NYAP2: variants seen among roughly 807,000 people sequenced by gnomAD.
NYAP2 encodes neuronal tyrosine-phosphorylated phosphoinositide-3-kinase adaptor 2, also known as neuronal tyrosine-phosphorylated phosphoinositide-3-kinase adapter 2.
A neutral mutation model predicts 50.4 loss-of-function variants in NYAP2; 23 were observed. The ratio of observed to expected loss-of-function variants is 0.46; its 90% CI spans 0.33 to 0.65. The LOEUF is 0.65. Ranked by LOEUF, NYAP2 falls within the 30% of genes least tolerant of loss-of-function variation. NYAP2 has a pLI of 0.02. For synonymous variants in NYAP2, 394 were observed against 365.2 expected, an observed-to-expected ratio of 1.08 and a Z score of -0.90; for missense variants, 885 against 861.0, an observed-to-expected ratio of 1.03 and a Z score of -0.35.
intron 4 of NYAP2, among the ~76,000 whole-genome samples, chr2:225,523,470 T>C (rs978185355): frequency 1.3e-5 from 2 of 152,058 alleles, no homozygotes; most frequent in Non-Finnish European, 2.9e-5. Flanking sequence ...CAATCCCATT[T>C]ATAATAGCTA....
intron 4 of NYAP2, among the ~76,000 whole-genome samples, chr2:225,527,043 T>C (rs987104663): frequency 1.3e-5 from 2 of 152,188 alleles, no homozygotes; most frequent in African/African-American, 4.8e-5. Flanking sequence ...GCAAGTCAAG[T>C]CATCATGCAA....
intron 3 of NYAP2, among the ~76,000 whole-genome samples, chr2:225,507,333 T>G (rs1690724579): frequency 6.6e-6 from 1 of 152,194 alleles, no homozygotes; most frequent in Admixed American, 6.5e-5. Context: ...CTCACCTTTC[T>G]CATGGGTTTT....
At chr2:225,535,857 C>T (rs1232128157) in intron 4 of NYAP2, among the ~76,000 whole-genome samples, 2 of 152,130 alleles carry the variant, frequency 1.3e-5, no homozygotes, top group African/African-American at 4.8e-5. Context: ...ACCTCCATTC[C>T]TTCCTTACTG....
the NYAP2 span, among the ~76,000 whole-genome samples, chr2:225,687,397 G>C: frequency 6.6e-6 from 1 of 152,078 alleles, no homozygotes; most frequent in South Asian, 2.1e-4. Flanking sequence ...AAGATAGAAG[G>C]TGCATATAAC....
At chr2:225,559,786 AC>A (rs1408177167) in intron 4 of NYAP2, among the ~76,000 whole-genome samples, 1 of 151,956 alleles carries the variant, frequency 6.6e-6, no homozygotes, top group Non-Finnish European at 1.5e-5. Flanking sequence ...TTTCCTAGTC[AC>A]CCTACCATAA....
chr2:225,419,679 G>C (rs1448304845), intron 3 of NYAP2, among the ~76,000 whole-genome samples: 1 of 152,092 alleles, frequency 6.6e-6, no homozygotes, highest in Non-Finnish European at 1.5e-5. Flanking sequence ...TTATAGAATT[G>C]GTAGCTGCTA....
At chr2:225,631,059 G>A (rs1019883835) in intron 6 of NYAP2, among the ~76,000 whole-genome samples, 2 of 152,202 alleles carry the variant, frequency 1.3e-5, no homozygotes, top group African/African-American at 4.8e-5. Flanking sequence ...AACTAGGAGA[G>A]CAGGAAATTC....
chr2:225,588,218 A>G (rs1301387061), intron 5 of NYAP2, among the ~76,000 whole-genome samples: 1 of 152,084 alleles, frequency 6.6e-6, no homozygotes, highest in Non-Finnish European at 1.5e-5. Context: ...GAGCCACTGC[A>G]CCCAGCCAGT....
At chr2:225,487,765 C>CATAGATAT (rs1236587499) in intron 3 of NYAP2, among the ~76,000 whole-genome samples, 22 of 152,318 alleles carry the variant, frequency 1.4e-4, no homozygotes, top group Admixed American at 1.3e-3. Context: ...GATGTTTGTT[C>CATAGATAT]ATAGATATAT....
chr2:225,457,301 C>T (rs1263831748), intron 3 of NYAP2, among the ~76,000 whole-genome samples: 2 of 152,028 alleles, frequency 1.3e-5, no homozygotes, highest in African/African-American at 4.8e-5. Flanking sequence ...TAATGAAGCT[C>T]TCAGGTTTAT....
At chr2:225,445,116 T>A (rs1048652650) in intron 3 of NYAP2, among the ~76,000 whole-genome samples, 1 of 152,062 alleles carries the variant, frequency 6.6e-6, no homozygotes, top group Non-Finnish European at 1.5e-5. Context: ...GGCGAAACAT[T>A]AAAAACATGT....
At chr2:225,474,821 G>A (rs999772032) in intron 3 of NYAP2, among the ~76,000 whole-genome samples, 1 of 152,146 alleles carries the variant, frequency 6.6e-6, no homozygotes, top group South Asian at 2.1e-4. Context: ...CTGCCTGATG[G>A]CCCTGGCCAA....
At chr2:225,484,149 A>G (rs73089790) in intron 3 of NYAP2, among the ~76,000 whole-genome samples, 1,868 of 152,294 alleles carry the variant, frequency 0.012, 44 homozygotes, top group African/African-American at 0.043. Context: ...CATTTTGCTA[A>G]GAGTGGCATT....
At chr2:225,474,698 A>C (rs1690073161) in intron 3 of NYAP2, among the ~76,000 whole-genome samples, 1 of 152,232 alleles carries the variant, frequency 6.6e-6, no homozygotes, top group Non-Finnish European at 1.5e-5. Context: ...TATCAGCTTA[A>C]GGAGATTTTG....
chr2:225,597,393 A>G (rs770640767), intron 5 of NYAP2, among the ~76,000 whole-genome samples: 9 of 149,872 alleles, frequency 6.0e-5, no homozygotes, highest in Non-Finnish European at 1.2e-4. Flanking sequence ...AGAACATACA[A>G]TGTTTGTTTT....
rs1432763317 is a variant in NYAP2, at chr2:225,625,078, A to AT, written c.1619-1833dup. 5.5e-5 allele frequency among the ~76,000 whole-genome samples: 8 copies of AT among 145,572 alleles called. No homozygotes were observed. The East Asian group carries it at 6.0e-4, about 11-fold the overall frequency. On this transcript the variant is annotated intron_variant, in intron 5 of 6. Coordinates refer to ENST00000636099, the Ensembl canonical transcript of NYAP2. ...AAAAAAAAAAAAAAAAAAAATTCAG[A>AT]TTTTTTGAATCATTTCTGTGATTTT... is the stretch of plus-strand genomic sequence containing the variant.
rs190262083 is a variant in NYAP2 at position 225,431,164 on chromosome 2, A to G, written c.221+22063A>G. ...ATATCAATTCTATTTCTTGAAAATTATGATGAAACTATAGTAACTCTGTAT... is the reference window on the plus strand; with the variant it reads ...ATATCAATTCTATTTCTTGAAAATTGTGATGAAACTATAGTAACTCTGTAT... On this transcript the variant is annotated intron_variant, in intron 3 of 6. Coordinates refer to ENST00000636099, the Ensembl canonical transcript of NYAP2. 7.9e-5 allele frequency among the ~76,000 whole-genome samples: 12 copies of G among 152,352 alleles called. No individual in the cohort carries two copies. In the East Asian group the frequency reaches 1.5e-3, roughly 20 times the overall value.
Position 225,513,544 on chromosome 2 carries a change from G to T in NYAP2, c.395G>T (p.Ser132Ile), listed in dbSNP as rs766171317. The T allele has an allele frequency of 1.2e-6, 2 of 1,611,702 alleles. No individual in the cohort carries two copies. Among genetic ancestry groups the T allele is most frequent in the Non-Finnish European group, 1.7e-6 (2 of 1,178,384 alleles). ...GTTGGGGGCACAGACGATGACAGCAGCTGTGGCTCACGGAGACAACCACCA... is the reference window on the plus strand; with the variant it reads ...GTTGGGGGCACAGACGATGACAGCATCTGTGGCTCACGGAGACAACCACCA... The change falls in exon 4 of 7, where the codon AGC becomes ATC. Residue 132 changes from serine to isoleucine, a missense_variant. Physicochemically the swap from Ser to Ile is moderately radical, Grantham distance 142. Transcript: ENST00000636099.
At chr2:225,532,723 T>C (rs1434356955) in intron 4 of NYAP2, among the ~76,000 whole-genome samples, 1 of 152,172 alleles carries the variant, frequency 6.6e-6, no homozygotes, top group Non-Finnish European at 1.5e-5. Flanking sequence ...CTATAGCATA[T>C]TAGGAAACAA....
Sources: allele counts gnomAD v4.1 joint callset (sites outside exome capture counted in the v4.1 genomes callset), GRCh38; gene constraint gnomAD v4.1.1; transcripts MANE v1.5; gene names NCBI Gene and HGNC (gene_info 2026-07-23, HGNC 2026-07-21).